S100Z: variants seen among roughly 807,000 people sequenced by gnomAD.
The protein encoded by S100Z is S100 calcium binding protein Z, also known as protein S100-Z.
In S100Z, 11 loss-of-function variants were observed where a neutral mutation model predicts 8.5. The ratio of observed to expected loss-of-function variants is 1.30; its 90% CI spans 0.82 to 2.15. The LOEUF (loss-of-function observed/expected upper bound fraction) is 2.15, where lower values mean the gene tolerates loss of function less well. Ranked by LOEUF, S100Z falls within the 30% of genes most tolerant of loss-of-function variation. S100Z has a pLI of 0.00. For missense variants in S100Z, 126 were observed against 117.9 expected (o/e 1.07, Z -0.32); for synonymous variants, 34 against 43.8 (o/e 0.78, Z 0.89).
At chr5:76,951,594 G>C in the S100Z span, among the ~76,000 whole-genome samples, 1 of 152,350 alleles carries the variant, frequency 6.6e-6, no homozygotes, top group South Asian at 2.1e-4. Context: ...GTGGGAGATA[G>C]AGCTGAAGAT....
rs900889924 is a variant in S100Z, at chr5:76,887,985, C to T, written c.*2+10151C>T. Among the ~76,000 whole-genome samples, 4 of 152,110 alleles carry T rather than the reference C, an allele frequency of 2.6e-5. No individual in the cohort carries two copies. In the East Asian group the frequency reaches 5.8e-4, roughly 22 times the overall value. On this transcript the variant is annotated intron_variant, in intron 4 of 4. Transcript: ENST00000317593. ...TTATTAAGAAATTATTGGCCAGGCA[C>T]GGTGGCTCACATCTGTAATCCCAGC...
At chr5:76,904,140 T>C (rs998349698) in intron 4 of S100Z, among the ~76,000 whole-genome samples, 1 of 152,176 alleles carries the variant, frequency 6.6e-6, no homozygotes, top group Non-Finnish European at 1.5e-5. Flanking sequence ...TCTTTATATA[T>C]TATAAATATA....
At chr5:76,868,405 C>T (rs927203463) in intron 1 of S100Z, among the ~76,000 whole-genome samples, 2 of 152,142 alleles carry the variant, frequency 1.3e-5, no homozygotes, top group African/African-American at 4.8e-5. Flanking sequence ...ATTTTCATCT[C>T]TTGAATCAAA....
the S100Z span, among the ~76,000 whole-genome samples, chr5:76,929,443 CCTGATACATG>C: frequency 6.6e-6 from 1 of 152,202 alleles, no homozygotes; most frequent in African/African-American, 2.4e-5. Context: ...AGAAAATTGT[CCTGATACATG>C]CAGTAAAAGG....
At chr5:76,899,507 G>A (rs1744159437) in intron 4 of S100Z, among the ~76,000 whole-genome samples, 1 of 148,836 alleles carries the variant, frequency 6.7e-6, no homozygotes, top group Admixed American at 6.7e-5. Context: ...TATTTTTTGT[G>A]TATCCATTGC....
At chr5:76,937,752 CAAAA>C in the S100Z span, among the ~76,000 whole-genome samples, 3 of 73,342 alleles carry the variant, frequency 4.1e-5, no homozygotes, top group East Asian at 5.3e-4. Context: ...GACCCTGTCT[CAAAA>C]AAAAAAAAAA....
chr5:76,922,468 T>G (rs190864530), downstream of S100Z, among the ~76,000 whole-genome samples: 1 of 152,324 alleles, frequency 6.6e-6, no homozygotes, highest in East Asian at 1.9e-4. Context: ...AATGTCTCCC[T>G]CCCACCTCCC....
At chr5:76,904,827 G>A (rs1036248034) in intron 4 of S100Z, among the ~76,000 whole-genome samples, 10 of 152,042 alleles carry the variant, frequency 6.6e-5, no homozygotes, top group Non-Finnish European at 1.5e-4. Flanking sequence ...TTATAGTTGT[G>A]AGCCACTGTA....
At chr5:76,867,558 G>C (rs1011204482) in intron 1 of S100Z, among the ~76,000 whole-genome samples, 1 of 143,742 alleles carries the variant, frequency 7.0e-6, no homozygotes, top group African/African-American at 2.6e-5. Flanking sequence ...ATATTTACCA[G>C]TTTTTTTTCT....
the S100Z span, among the ~76,000 whole-genome samples, chr5:76,933,221 T>C: frequency 6.6e-6 from 1 of 152,182 alleles, no homozygotes; most frequent in East Asian, 1.9e-4. Flanking sequence ...CGGATGAGGC[T>C]TCCCATCTCC....
the S100Z span, among the ~76,000 whole-genome samples, chr5:76,935,066 C>T: frequency 1.3e-5 from 2 of 152,088 alleles, no homozygotes; most frequent in Non-Finnish European, 2.9e-5. Context: ...GAAAAACAAA[C>T]TAGCTTTTTG....
intron 1 of S100Z, among the ~76,000 whole-genome samples, chr5:76,853,031 A>T (rs895834815): frequency 6.6e-6 from 1 of 152,214 alleles, no homozygotes; most frequent in African/African-American, 2.4e-5. Context: ...CATTCATCCC[A>T]GAGTCGATTC....
intron 4 of S100Z, among the ~76,000 whole-genome samples, chr5:76,887,059 G>A (rs1346085164): frequency 6.6e-6 from 1 of 151,034 alleles, no homozygotes; most frequent in Non-Finnish European, 1.5e-5. Context: ...CAGGAGTTGG[G>A]TTTTGGTTAC....
chr5:76,861,401 G>A (rs565757250), intron 1 of S100Z, among the ~76,000 whole-genome samples: 8 of 151,716 alleles, frequency 5.3e-5, no homozygotes, highest in Non-Finnish European at 1.0e-4. Context: ...GTGAGGTGGC[G>A]TGAACTCAGC....
At chr5:76,912,304 C>A (rs190716952) in intron 4 of S100Z, among the ~76,000 whole-genome samples, 3 of 152,102 alleles carry the variant, frequency 2.0e-5, no homozygotes, top group Non-Finnish European at 4.4e-5. Flanking sequence ...AGGATGGGGA[C>A]CCAATCGAGG....
At chr5:76,883,506 G>C (rs1399313943) in intron 4 of S100Z, among the ~76,000 whole-genome samples, 1 of 152,168 alleles carries the variant, frequency 6.6e-6, no homozygotes, top group Non-Finnish European at 1.5e-5. Context: ...AGGGAAACAG[G>C]CCTTTGAAAA....
At chr5:76,944,316 T>G in the S100Z span, among the ~76,000 whole-genome samples, 2 of 152,188 alleles carry the variant, frequency 1.3e-5, no homozygotes. Flanking sequence ...AATTTTCTGT[T>G]AGGCACCTCC....
chr5:76,927,447 C>T, the S100Z span, among the ~76,000 whole-genome samples: 4 of 152,174 alleles, frequency 2.6e-5, no homozygotes, highest in African/African-American at 9.7e-5. Context: ...TTCAGATGTT[C>T]CAAGTCTCAA....
chr5:76,924,648 G>A (rs1745103851), downstream of S100Z, among the ~76,000 whole-genome samples: 1 of 152,272 alleles, frequency 6.6e-6, no homozygotes, highest in African/African-American at 2.4e-5. Flanking sequence ...GGTGGCTCAA[G>A]CCTGTAATGT....
Sources: allele counts gnomAD v4.1 joint callset (sites outside exome capture counted in the v4.1 genomes callset), GRCh38; gene constraint gnomAD v4.1.1; transcripts MANE v1.5; gene names NCBI Gene and HGNC (gene_info 2026-07-23, HGNC 2026-07-21).